NCALD: variants seen among roughly 807,000 people sequenced by gnomAD.
The protein encoded by NCALD is neurocalcin delta, also known as neurocalcin-delta.
A neutral mutation model predicts 18.6 loss-of-function variants in NCALD; 10 were observed. That is an observed-to-expected ratio of 0.54 (90% CI 0.33 to 0.91). NCALD has a LOEUF of 0.91. NCALD is among the 40% of genes least tolerant of loss of function. The pLI, the probability that NCALD is intolerant of heterozygous loss-of-function variation, is 0.03. For missense variants in NCALD, 184 were observed against 247.6 expected (o/e 0.74, Z 1.72); for synonymous variants, 88 against 87.4 (o/e 1.01, Z -0.04).
chr8:102,110,872 T>C (rs1409273676), intron 1 of NCALD, among the ~76,000 whole-genome samples: 2 of 152,094 alleles, frequency 1.3e-5, no homozygotes, highest in Non-Finnish European at 2.9e-5. Flanking sequence ...TAAACTGAGG[T>C]ATAATCCATT....
intron 4 of NCALD, chr8:101,872,245 T>G (rs1204614149): frequency 7.0e-7 from 1 of 1,427,662 alleles, no homozygotes; most frequent in Non-Finnish European, 9.9e-7. Flanking sequence ...TTCTTGAACA[T>G]AATACTTCCC....
chr8:101,788,445 T>C (rs1175353738), intron 1 of NCALD, among the ~76,000 whole-genome samples: 2 of 152,212 alleles, frequency 1.3e-5, no homozygotes, highest in African/African-American at 2.4e-5. Flanking sequence ...TTGTTGTAGA[T>C]ATCCTGAAAT....
intron 2 of NCALD, among the ~76,000 whole-genome samples, chr8:101,953,820 A>T (rs1183254697): frequency 6.6e-6 from 1 of 152,272 alleles, no homozygotes; most frequent in Admixed American, 6.5e-5. Flanking sequence ...GGTAATGGGA[A>T]TTCCCAAATT....
intron 2 of NCALD, among the ~76,000 whole-genome samples, chr8:101,928,548 G>A (rs1818422388): frequency 6.6e-6 from 1 of 151,324 alleles, no homozygotes; most frequent in Non-Finnish European, 1.5e-5. Context: ...CAGGTACTCT[G>A]AAGTGCAAAT....
chr8:101,896,568 G>T (rs1029181020), intron 3 of NCALD, among the ~76,000 whole-genome samples: 2 of 151,862 alleles, frequency 1.3e-5, no homozygotes, highest in African/African-American at 2.4e-5. Context: ...TACCATCAGA[G>T]TAAACAGGCA....
At chr8:102,007,178 A>G (rs748947206) in intron 2 of NCALD, among the ~76,000 whole-genome samples, 1 of 152,222 alleles carries the variant, frequency 6.6e-6, no homozygotes, top group Non-Finnish European at 1.5e-5. Flanking sequence ...AATTGGTGAA[A>G]TCTGAATAGT....
chr8:101,700,164 A>G (rs1262350167), intron 2 of NCALD, among the ~76,000 whole-genome samples: 1 of 151,890 alleles, frequency 6.6e-6, no homozygotes, highest in Non-Finnish European at 1.5e-5. Flanking sequence ...GGTCTCAGAC[A>G]ATCCTCCTGT....
intron 1 of NCALD, among the ~76,000 whole-genome samples, chr8:102,047,388 T>C (rs1372318350): frequency 1.3e-5 from 2 of 152,226 alleles, no homozygotes; most frequent in African/African-American, 4.8e-5. Flanking sequence ...TGATATACTC[T>C]AGAGCAGCAC....
At chr8:101,710,928 GCCT>G (rs1187629851) in intron 2 of NCALD, among the ~76,000 whole-genome samples, 1 of 152,196 alleles carries the variant, frequency 6.6e-6, no homozygotes, top group East Asian at 1.9e-4. Context: ...GGGACAGACT[GCCT>G]CCTCAAGTGG....
At chr8:101,709,647 G>A (rs2130293729) in intron 2 of NCALD, among the ~76,000 whole-genome samples, 1 of 152,264 alleles carries the variant, frequency 6.6e-6, no homozygotes, top group Admixed American at 6.6e-5. Flanking sequence ...ACACATCTAA[G>A]CATTTATGGT....
intron 1 of NCALD, among the ~76,000 whole-genome samples, chr8:102,068,654 A>C (rs952795182): frequency 2.3e-4 from 35 of 152,322 alleles, no homozygotes; most frequent in Admixed American, 2.3e-3. Flanking sequence ...TACTTCTGAA[A>C]TAATCTAGCT....
rs62519277 is a variant in NCALD, at chr8:101,715,479, T to C, written c.378+3773A>G. 3.8e-3 allele frequency among the ~76,000 whole-genome samples: 577 copies of C among 150,868 alleles called. 5 individuals are homozygous for C. Among genetic ancestry groups the C allele is most frequent in the South Asian group, 0.028 (134 of 4,812 alleles). The stretch of plus-strand genomic sequence containing the variant: ...GTAACAAAAGCCAATGGGACCTAAT[T>C]AAACTAAAGAGCTTCTGCACAGCAA... On this transcript the variant is annotated intron_variant, in intron 2 of 3. Transcript: ENST00000220931.
chr8:101,777,145 C>G (rs1811826335), intron 1 of NCALD, among the ~76,000 whole-genome samples: 1 of 152,198 alleles, frequency 6.6e-6, no homozygotes, highest in Non-Finnish European at 1.5e-5. Flanking sequence ...GCCCCATCAG[C>G]AAAGAAAGAC....
At chr8:101,800,432 T>A (rs1223176368) in intron 4 of NCALD, among the ~76,000 whole-genome samples, 1 of 151,706 alleles carries the variant, frequency 6.6e-6, no homozygotes, top group Non-Finnish European at 1.5e-5. Context: ...AAAATAATTT[T>A]AAAAATTACT....
chr8:101,992,679 G>A (rs1037533391), intron 2 of NCALD, among the ~76,000 whole-genome samples: 3 of 152,176 alleles, frequency 2.0e-5, no homozygotes, highest in Admixed American at 1.3e-4. Context: ...ACTCACAGCA[G>A]TTTCTGGAAT....
intron 1 of NCALD, among the ~76,000 whole-genome samples, chr8:102,087,058 T>G (rs1482797319): frequency 1.3e-5 from 2 of 152,202 alleles, no homozygotes; most frequent in Non-Finnish European, 2.9e-5. Flanking sequence ...ACCATAAAAA[T>G]GGGCAACCAG....
At chr8:102,008,925 C>CACACACACACACACAA (rs1821808489) in intron 2 of NCALD, among the ~76,000 whole-genome samples, 1 of 68,358 alleles carries the variant, frequency 1.5e-5, no homozygotes, top group African/African-American at 4.4e-5. Flanking sequence ...CCTACACACA[C>CACACACACACACACAA]ACACACACAC....
intron 2 of NCALD, among the ~76,000 whole-genome samples, chr8:101,990,161 A>G (rs1242865627): frequency 2.0e-5 from 3 of 152,206 alleles, no homozygotes; most frequent in African/African-American, 7.2e-5. Context: ...GGAATCACCA[A>G]TTATATGCCA....
intron 1 of NCALD, among the ~76,000 whole-genome samples, chr8:102,096,409 G>T (rs1825101349): frequency 6.6e-6 from 1 of 152,168 alleles, no homozygotes; most frequent in Non-Finnish European, 1.5e-5. Context: ...TCTGGAGGCA[G>T]GGAACCTAAG....
Sources: gnomAD v4.1 joint callset for allele counts (sites outside exome capture counted in the v4.1 genomes callset) on GRCh38, gnomAD v4.1.1 for gene constraint, MANE v1.5 for transcripts, NCBI Gene and HGNC (gene_info 2026-07-23, HGNC 2026-07-21) for gene names.